The following CHRFAM7A variants were observed in gnomAD, a reference collection of about 807,000 sequenced individuals.
CHRFAM7A encodes the protein CHRNA7 (exons 5-10) and FAM7A (exons A-E) fusion, also known as CHRNA7-FAM7A fusion protein.
In CHRFAM7A, 3 loss-of-function variants were observed where a neutral mutation model predicts 29.2. The ratio of observed to expected loss-of-function variants is 0.10; its 90% CI spans 0.05 to 0.27. The LOEUF (loss-of-function observed/expected upper bound fraction) is 0.27, where lower values mean the gene tolerates loss of function less well. Among genes scored for constraint, CHRFAM7A ranks in the 10% least tolerant of loss-of-function variants. CHRFAM7A has a pLI of 1.00. For synonymous variants in CHRFAM7A, 7 were observed against 135.4 expected (o/e 0.05, Z 6.58); for missense variants, 22 against 328.0 (o/e 0.07, Z 7.21).
At chr15:30,375,898 ATGTGAGTGGTTGTGTGAGTGGTG>A (rs2058925829) in intron 5 of CHRFAM7A, among the ~76,000 whole-genome samples, 1 of 47,320 alleles carries the variant, frequency 2.1e-5, no homozygotes, top group African/African-American at 8.2e-5. Flanking sequence ...TGTGGGTGGT[ATGTGAGTGGTTGTGTGAGTGGTG>A]TGTGTGTTGA....
At chr15:30,387,513 T>C (rs2058983216) in intron 1 of CHRFAM7A, among the ~76,000 whole-genome samples, 1 of 29,512 alleles carries the variant, frequency 3.4e-5, no homozygotes, top group Non-Finnish European at 7.4e-5. Context: ...TTTTTTTTTT[T>C]TTTTTTTTTT....
chr15:30,375,067 CTCA>C (rs1480609069), intron 5 of CHRFAM7A, among the ~76,000 whole-genome samples: 2 of 149,030 alleles, frequency 1.3e-5, no homozygotes, highest in Non-Finnish European at 3.0e-5. Flanking sequence ...GGCTGCTGCA[CTCA>C]GGCAGCTCGA....
intron 8 of CHRFAM7A, among the ~76,000 whole-genome samples, chr15:30,368,964 C>T (rs2058825979): frequency 7.4e-6 from 1 of 135,708 alleles, no homozygotes; most frequent in South Asian, 2.4e-4. Context: ...CTGTAGGACG[C>T]CCAGCTGGTT....
intron 5 of CHRFAM7A, among the ~76,000 whole-genome samples, chr15:30,376,254 G>C (rs1202188405): frequency 7.0e-6 from 1 of 142,490 alleles, no homozygotes; most frequent in Middle Eastern, 3.2e-3. Flanking sequence ...GTTAGGTGTG[G>C]AGGTAATTGC....
Position 30,361,573 on chromosome 15 carries a change from ACTCCGCGGGGC to A in CHRFAM7A, c.*709_*719del, listed in dbSNP as rs2058741959. ...GAGTTATCTGGGATCCACCAAAGAC[ACTCCGCGGGGC>A]CTGGCCCTTGTTCAGAATAAACAGA... is the stretch of plus-strand genomic sequence containing the variant. On this transcript the variant is annotated 3_prime_UTR_variant, in exon 10 of 10. Transcript: ENST00000299847. The A allele has an allele frequency of 8.0e-6, 1 of 125,098 alleles. No individual in the cohort carries two copies. Among genetic ancestry groups the A allele is most frequent in the Non-Finnish European group, 1.7e-5 (1 of 59,252 alleles). The allele number at this position is 125,098 out of a possible 1,614,324, so 7.7% of individuals were successfully genotyped here. A position where few individuals can be genotyped will look rare whatever the true frequency, so the allele number is the denominator to read the frequency against.
In CHRFAM7A at chr15:30,375,052, GA is replaced by G. The variant is rs563904325; in HGVS notation, c.161-1908del. ...GTGGGGACACAGGCCTGGAGCCCCA[GA>G]GGGGGCTGCTGCACTCAGGCAGCTC... On this transcript the variant is annotated intron_variant, in intron 5 of 9. Coordinates refer to ENST00000299847, the MANE Select transcript of CHRFAM7A (RefSeq NM_139320.2). 2.1e-3 allele frequency among the ~76,000 whole-genome samples: 307 copies of G among 148,664 alleles called. 15 individuals carry two copies. Among genetic ancestry groups the G allele is most frequent in the African/African-American group, 7.1e-3 (282 of 39,932 alleles).
At chr15:30,375,810 TTGTGTGAGTGG>T (rs2058923214) in intron 5 of CHRFAM7A, among the ~76,000 whole-genome samples, 1 of 144,700 alleles carries the variant, frequency 6.9e-6, no homozygotes, top group Non-Finnish European at 1.5e-5. Flanking sequence ...ATGTGAGTGG[TTGTGTGAGTGG>T]TGTGTGAGTG....
rs1167592135 is a variant in CHRFAM7A at position 30,374,784 on chromosome 15, TG to T, written c.161-1640del. Among the ~76,000 whole-genome samples, 270 of 128,374 alleles carry T rather than the reference TG, an allele frequency of 2.1e-3. 3 individuals are homozygous for T. Among genetic ancestry groups the T allele is most frequent in the Middle Eastern group, 0.011 (3 of 262 alleles). The allele number at this position is 128,374 out of a possible 152,430, so 84.2% of individuals were successfully genotyped here. On this transcript the variant is annotated intron_variant, in intron 5 of 9. Transcript: ENST00000299847. ...GCTGTTAAAAAATAAACACATGAAATGGGGGGGAAAGTCATGTTATGGTCAA... is the reference window on the plus strand; with the variant it reads ...GCTGTTAAAAAATAAACACATGAAATGGGGGGAAAGTCATGTTATGGTCAA...
chr15:30,365,801 C>CTTTT (rs1165285566), intron 9 of CHRFAM7A, among the ~76,000 whole-genome samples: 1 of 74,248 alleles, frequency 1.3e-5, no homozygotes. Flanking sequence ...ACAAGTGAGT[C>CTTTT]TTTTTTTTTT....
chr15:30,375,194 A>T (rs1299367623), intron 5 of CHRFAM7A, among the ~76,000 whole-genome samples: 1,821 of 129,928 alleles, frequency 0.014, no homozygotes, highest in African/African-American at 0.055. Flanking sequence ...AGCCCTCATA[A>T]CAGAAGCTGC....
chr15:30,376,256 G>A (rs1300817730), intron 5 of CHRFAM7A, among the ~76,000 whole-genome samples: 3 of 141,728 alleles, frequency 2.1e-5, no homozygotes, highest in Non-Finnish European at 4.6e-5. Flanking sequence ...TAGGTGTGGA[G>A]GTAATTGCAG....
At chr15:30,374,513 A>ACTT (rs1260541453) in intron 5 of CHRFAM7A, among the ~76,000 whole-genome samples, 1 of 143,948 alleles carries the variant, frequency 6.9e-6, no homozygotes, top group Non-Finnish European at 1.5e-5. Flanking sequence ...AAGCTTTGTA[A>ACTT]CTTCATGAGC....
In CHRFAM7A at chr15:30,367,459, A is replaced by C; in HGVS notation, c.679T>G (p.Tyr227Asp). 1 of 1,608,256 alleles carries C rather than the reference A, an allele frequency of 6.2e-7. No homozygotes were observed. Among genetic ancestry groups the C allele is most frequent in the South Asian group, 1.1e-5 (1 of 90,918 alleles). Residue 227 changes from tyrosine to aspartate, a missense_variant, in exon 9 of 10, where the codon TAC becomes GAC. Coordinates refer to ENST00000299847, the MANE Select transcript of CHRFAM7A (RefSeq NM_139320.2). ...SVVVTVIVLQ[Y>D]HHHDPDGGKM... ...CCCCCGTCGGGGTCGTGGTGGTGGT[A>C]CTGCAGCACGATCACCGTCACCACC...
At chr15:30,376,069 GTA>G (rs1384763431) in intron 5 of CHRFAM7A, among the ~76,000 whole-genome samples, 3 of 151,354 alleles carry the variant, frequency 2.0e-5, no homozygotes, top group Non-Finnish European at 2.9e-5. Flanking sequence ...TGGGTGGTGT[GTA>G]TGAGTGGTGT....
chr15:30,393,839 G>A (rs1270434472), upstream of CHRFAM7A: 1 of 78,360 alleles, frequency 1.3e-5, no homozygotes, highest in African/African-American at 3.8e-5. Context: ...TCGCGACTGG[G>A]CGGCACAACC....
rs1281314881 is a variant in CHRFAM7A at position 30,361,554 on chromosome 15, T to C, written c.*739A>G. On this transcript the variant is annotated 3_prime_UTR_variant, in exon 10 of 10. Transcript: ENST00000299847. The stretch of plus-strand genomic sequence containing the variant: ...GTCTGAGAGCAGCACCTAGGAGTTA[T>C]CTGGGATCCACCAAAGACACTCCGC... 1 of 133,580 alleles carries C rather than the reference T, an allele frequency of 7.5e-6. No homozygotes were observed. The highest frequency in any genetic ancestry group is 2.1e-4 in the East Asian group (1 of 4,706). 8.3% of individuals were successfully genotyped at this position (133,580 alleles called of 1,614,324 possible).
upstream of CHRFAM7A, chr15:30,393,707 T>A: frequency 1.7e-4 from 1 of 6,004 alleles, no homozygotes; most frequent in African/African-American, 4.5e-4. Context: ...CTCTTACCCC[T>A]CACCCCTCAC....
chr15:30,367,190 G>T (rs566476893), intron 9 of CHRFAM7A, among the ~76,000 whole-genome samples: 1 of 151,080 alleles, frequency 6.6e-6, no homozygotes, highest in African/African-American at 2.4e-5. Flanking sequence ...GGAGGCTGAG[G>T]CAGGAGAATT....
intron 5 of CHRFAM7A, among the ~76,000 whole-genome samples, chr15:30,375,924 T>A (rs141470394): frequency 0.18 from 1,690 of 9,144 alleles, 12 homozygotes; most frequent in Non-Finnish European, 0.24. Context: ...GAGTGGTGTG[T>A]GTGTTGAGTC....
Sources: gnomAD v4.1 joint callset for allele counts (sites outside exome capture counted in the v4.1 genomes callset) on GRCh38, gnomAD v4.1.1 for gene constraint, MANE v1.5 for transcripts, NCBI Gene and HGNC (gene_info 2026-07-23, HGNC 2026-07-21) for gene names.